The following LRRC3B variants were observed in gnomAD, a reference collection of about 807,000 sequenced individuals.
LRRC3B encodes the protein leucine-rich repeat-containing protein 3B.
A neutral mutation model predicts 12.8 loss-of-function variants in LRRC3B; 2 were observed. The ratio of observed to expected loss-of-function variants is 0.16; its 90% CI spans 0.06 to 0.49. The LOEUF is 0.49. Ranked by LOEUF, LRRC3B falls within the 20% of genes least tolerant of loss-of-function variation. The pLI is 0.96. For missense variants in LRRC3B, 189 were observed against 319.4 expected (o/e 0.59, Z 3.11); for synonymous variants, 132 against 122.0 (o/e 1.08, Z -0.54).
At chr3:26,697,431 A>G (rs1700345250) in intron 1 of LRRC3B, among the ~76,000 whole-genome samples, 1 of 152,142 alleles carries the variant, frequency 6.6e-6, no homozygotes, top group African/African-American at 2.4e-5. Flanking sequence ...TTCTTATAAG[A>G]GCACTCAAAA....
At chr3:26,628,775 C>A (rs1410586858) in intron 1 of LRRC3B, among the ~76,000 whole-genome samples, 1 of 150,928 alleles carries the variant, frequency 6.6e-6, no homozygotes, top group Non-Finnish European at 1.5e-5. Flanking sequence ...CATACTATTT[C>A]TCCACCACAG....
chr3:26,670,541 G>T (rs1044229826), intron 1 of LRRC3B, among the ~76,000 whole-genome samples: 3 of 152,042 alleles, frequency 2.0e-5, no homozygotes, highest in Non-Finnish European at 2.9e-5. Flanking sequence ...AGGTTGTTTG[G>T]GAATCCCATG....
chr3:26,671,348 GTGTATA>G (rs1402533078), intron 1 of LRRC3B, among the ~76,000 whole-genome samples: 1 of 66,344 alleles, frequency 1.5e-5, no homozygotes, highest in Admixed American at 2.1e-4. Context: ...GTATATATGT[GTGTATA>G]TATATATATA....
intron 1 of LRRC3B, among the ~76,000 whole-genome samples, chr3:26,641,112 A>C (rs577381587): frequency 5.9e-5 from 9 of 152,282 alleles, no homozygotes; most frequent in African/African-American, 1.7e-4. Context: ...TATTGCCTCT[A>C]CTGCTAGTGG....
chr3:26,635,444 A>G (rs76114855), intron 1 of LRRC3B, among the ~76,000 whole-genome samples: 5,204 of 152,310 alleles, frequency 0.034, 168 homozygotes, highest in East Asian at 0.13. Flanking sequence ...GGGGTCCTCA[A>G]CATGAGATTA....
intron 1 of LRRC3B, among the ~76,000 whole-genome samples, chr3:26,705,191 C>G (rs1168714197): frequency 6.6e-6 from 1 of 152,132 alleles, no homozygotes; most frequent in African/African-American, 2.4e-5. Flanking sequence ...TGGTTTTTTT[C>G]TTCTGGAAAT....
chr3:26,652,324 T>A (rs923281471), intron 1 of LRRC3B, among the ~76,000 whole-genome samples: 17 of 152,300 alleles, frequency 1.1e-4, no homozygotes, highest in Admixed American at 2.0e-4. Context: ...CTTTATGGGA[T>A]CCTCTCCCGT....
chr3:26,708,786 TAA>T (rs1347927648), intron 1 of LRRC3B, among the ~76,000 whole-genome samples: 1 of 152,110 alleles, frequency 6.6e-6, no homozygotes. Flanking sequence ...TCTTGTTATA[TAA>T]AAAAGTCATG....
intron 1 of LRRC3B, among the ~76,000 whole-genome samples, chr3:26,671,290 C>G (rs1452992580): frequency 6.9e-6 from 1 of 143,894 alleles, no homozygotes; most frequent in African/African-American, 2.6e-5. Flanking sequence ...GCTGGGATTA[C>G]AGGCGTGAGC....
At chr3:26,679,490 C>T (rs1194065331) in intron 1 of LRRC3B, among the ~76,000 whole-genome samples, 1 of 152,198 alleles carries the variant, frequency 6.6e-6, no homozygotes, top group Non-Finnish European at 1.5e-5. Flanking sequence ...GGTGTTCCTT[C>T]TCCTGGAGCT....
chr3:26,709,285 C>A (rs1250562973), intron 1 of LRRC3B, among the ~76,000 whole-genome samples: 1 of 152,140 alleles, frequency 6.6e-6, no homozygotes. Flanking sequence ...GAAAACCAGG[C>A]AACAGAACTC....
chr3:26,708,365 T>A (rs1700657020), intron 1 of LRRC3B, among the ~76,000 whole-genome samples: 1 of 152,200 alleles, frequency 6.6e-6, no homozygotes, highest in Non-Finnish European at 1.5e-5. Flanking sequence ...GAAATCACAA[T>A]AAGCAATACT....
chr3:26,655,041 T>C (rs1699341928), intron 1 of LRRC3B, among the ~76,000 whole-genome samples: 1 of 152,180 alleles, frequency 6.6e-6, no homozygotes, highest in African/African-American at 2.4e-5. Flanking sequence ...TATTTATCAA[T>C]CTACTTATTT....
chr3:26,667,377 A>C (rs1465676240), intron 1 of LRRC3B, among the ~76,000 whole-genome samples: 1 of 152,144 alleles, frequency 6.6e-6, no homozygotes, highest in African/African-American at 2.4e-5. Context: ...ACAGAGAGAG[A>C]CCTGAAAAAA....
At chr3:26,677,863 C>T (rs746545351) in intron 1 of LRRC3B, among the ~76,000 whole-genome samples, 3 of 152,066 alleles carry the variant, frequency 2.0e-5, no homozygotes, top group Non-Finnish European at 4.4e-5. Flanking sequence ...TGCTGTGGTG[C>T]GATCATGGCT....
intron 1 of LRRC3B, among the ~76,000 whole-genome samples, chr3:26,653,130 T>A (rs1699299897): frequency 6.7e-6 from 1 of 149,086 alleles, no homozygotes; most frequent in Non-Finnish European, 1.5e-5. Context: ...GAGTCAGATA[T>A]CAGGTAAGGT....
In LRRC3B at chr3:26,698,180, G is replaced by C. The variant is rs118032304; in HGVS notation, c.-160-11333G>C. Among the ~76,000 whole-genome samples, 76 of 152,270 alleles carry C rather than the reference G, an allele frequency of 5.0e-4. No homozygotes were observed. The East Asian group carries it at 0.013, about 26-fold the overall frequency. On this transcript the variant is annotated intron_variant, in intron 1 of 1. Coordinates refer to ENST00000396641, the Ensembl canonical transcript of LRRC3B. ...AGTGGTAGTAGCAGTAACTCTGACT[G>C]AGAGTTTATCTTGTAAAAGCAGATA...
intron 1 of LRRC3B, among the ~76,000 whole-genome samples, chr3:26,706,579 A>G (rs575224290): frequency 6.6e-6 from 1 of 152,344 alleles, no homozygotes; most frequent in African/African-American, 2.4e-5. Flanking sequence ...TCACAGGTAG[A>G]CCATTTGGGA....
intron 1 of LRRC3B, among the ~76,000 whole-genome samples, chr3:26,673,716 C>T (rs1473396052): frequency 1.3e-5 from 2 of 152,090 alleles, no homozygotes; most frequent in East Asian, 3.9e-4. Context: ...TGTGAGATCC[C>T]CCTCATATTA....
Sources: allele counts gnomAD v4.1 joint callset (sites outside exome capture counted in the v4.1 genomes callset), GRCh38; gene constraint gnomAD v4.1.1; transcripts MANE v1.5; gene names NCBI Gene and HGNC (gene_info 2026-07-23, HGNC 2026-07-21).